SHISA6: variants seen among roughly 807,000 people sequenced by gnomAD.
The protein encoded by SHISA6 is shisa family member 6.
SHISA6 carries 22 observed loss-of-function variants against 47.9 expected under a neutral mutation model. The observed-to-expected ratio is 0.46, with a 90% CI of 0.33 to 0.66. The LOEUF is 0.66. Among genes scored for constraint, SHISA6 ranks in the 30% least tolerant of loss-of-function variants. The pLI is 0.02. For missense variants in SHISA6, 680 were observed against 764.6 expected (o/e 0.89, Z 1.30); for synonymous variants, 388 against 337.8 (o/e 1.15, Z -1.63).
chr17:11,500,633 C>T (rs536259961), intron 3 of SHISA6, among the ~76,000 whole-genome samples: 4 of 152,250 alleles, frequency 2.6e-5, no homozygotes, highest in South Asian at 4.1e-4. Context: ...AAGCAATCTC[C>T]GCTAACAAAT....
chr17:11,284,061 C>G (rs1472493867), intron 2 of SHISA6, among the ~76,000 whole-genome samples: 3 of 152,030 alleles, frequency 2.0e-5, no homozygotes, highest in African/African-American at 4.8e-5. Context: ...ACCTCAAAAC[C>G]ACACACACAG....
chr17:11,297,305 A>G (rs1909785755), intron 2 of SHISA6, among the ~76,000 whole-genome samples: 1 of 152,130 alleles, frequency 6.6e-6, no homozygotes, highest in Non-Finnish European at 1.5e-5. Flanking sequence ...TATGTAAGGG[A>G]GACCTCGAGT....
intron 3 of SHISA6, among the ~76,000 whole-genome samples, chr17:11,400,185 C>G (rs1913717200): frequency 1.3e-5 from 2 of 152,122 alleles, no homozygotes; most frequent in South Asian, 4.1e-4. Flanking sequence ...CTCTCTCAGC[C>G]CTGACCTTTT....
chr17:11,404,258 TG>T (rs1312308571), intron 3 of SHISA6, among the ~76,000 whole-genome samples: 5 of 152,348 alleles, frequency 3.3e-5, no homozygotes, highest in African/African-American at 9.6e-5. Flanking sequence ...GACTTGATCC[TG>T]TGCTAGGCAC....
At chr17:11,258,487 A>G (rs1434003990) in intron 1 of SHISA6, among the ~76,000 whole-genome samples, 1 of 152,230 alleles carries the variant, frequency 6.6e-6, no homozygotes, top group African/African-American at 2.4e-5. Flanking sequence ...AAGTTTGACC[A>G]TCTGTTCAGC....
At chr17:11,316,797 T>C (rs1910541171) in intron 2 of SHISA6, among the ~76,000 whole-genome samples, 1 of 152,246 alleles carries the variant, frequency 6.6e-6, no homozygotes, top group Non-Finnish European at 1.5e-5. Flanking sequence ...TAACTTTTCC[T>C]CTGAGTTAGA....
chr17:11,509,201 G>A (rs546196170), intron 3 of SHISA6, among the ~76,000 whole-genome samples: 4 of 152,234 alleles, frequency 2.6e-5, no homozygotes, highest in African/African-American at 9.6e-5. Context: ...GCCAACCCTG[G>A]GCATGGGCAG....
At chr17:11,379,658 C>T (rs1912944734) in intron 3 of SHISA6, 149 bp downstream of exon 3, 1 of 545,604 alleles carries the variant, frequency 1.8e-6, no homozygotes, top group East Asian at 4.0e-5. Context: ...ACATGCGTGG[C>T]TTCTGACAGG....
chr17:11,502,225 C>T (rs1041582053), intron 3 of SHISA6, among the ~76,000 whole-genome samples: 7 of 148,332 alleles, frequency 4.7e-5, no homozygotes, highest in East Asian at 2.0e-4. Context: ...CTGGCTAACA[C>T]GGTGAAACCC....
chr17:11,255,582 G>A (rs879732379), intron 1 of SHISA6, among the ~76,000 whole-genome samples: 2 of 152,204 alleles, frequency 1.3e-5, no homozygotes, highest in Non-Finnish European at 2.9e-5. Context: ...GAAGGAACAG[G>A]CTCTCTTTGC....
At chr17:11,262,657 C>T (rs1406628940) in intron 1 of SHISA6, among the ~76,000 whole-genome samples, 1 of 152,218 alleles carries the variant, frequency 6.6e-6, no homozygotes, top group Non-Finnish European at 1.5e-5. Flanking sequence ...ACAAAAGCTG[C>T]TTTCTCTGAG....
At chr17:11,301,549 G>C (rs956560957) in intron 2 of SHISA6, among the ~76,000 whole-genome samples, 1 of 152,140 alleles carries the variant, frequency 6.6e-6, no homozygotes, top group Non-Finnish European at 1.5e-5. Context: ...TGGTCACACC[G>C]TGCATGAATG....
chr17:11,278,750 T>G (rs958433464), intron 2 of SHISA6, among the ~76,000 whole-genome samples: 2 of 152,224 alleles, frequency 1.3e-5, no homozygotes, highest in Non-Finnish European at 2.9e-5. Flanking sequence ...GTATTTCCCT[T>G]TGTGTGTGTT....
intron 3 of SHISA6, among the ~76,000 whole-genome samples, chr17:11,421,024 A>T (rs1914440111): frequency 6.6e-6 from 1 of 152,116 alleles, no homozygotes; most frequent in African/African-American, 2.4e-5. Flanking sequence ...TGCTGGCGGG[A>T]CTGAAGCCCA....
chr17:11,412,840 T>G lies in SHISA6; in HGVS notation c.895+33331T>G, dbSNP rs544383167. ...GGGTGTGGCCTTTCTTTCCTTTACA[T>G]GCTGGCAGGCTTCCAAGGAACAATC... On this transcript the variant is annotated intron_variant, in intron 3 of 5. Coordinates refer to ENST00000441885, the MANE Select transcript of SHISA6 (RefSeq NM_207386.4). Among the ~76,000 whole-genome samples the G allele has an allele frequency of 7.1e-4, 108 of 152,264 alleles. 2 individuals carry two copies. Among genetic ancestry groups the G allele is most frequent in the East Asian group, 1.7e-3 (9 of 5,186 alleles).
At chr17:11,408,012 G>C (rs1343247359) in intron 3 of SHISA6, among the ~76,000 whole-genome samples, 1 of 152,158 alleles carries the variant, frequency 6.6e-6, no homozygotes, top group Non-Finnish European at 1.5e-5. Context: ...ACCATCAAAT[G>C]AATATGATCT....
At chr17:11,476,316 A>T (rs1916049330) in intron 3 of SHISA6, among the ~76,000 whole-genome samples, 1 of 150,334 alleles carries the variant, frequency 6.7e-6, no homozygotes, top group African/African-American at 2.5e-5. Flanking sequence ...TTGCTTCTTT[A>T]CTTCTGTTCA....
intron 2 of SHISA6, among the ~76,000 whole-genome samples, chr17:11,310,098 G>T (rs1458960597): frequency 3.3e-5 from 5 of 152,196 alleles, no homozygotes; most frequent in Non-Finnish European, 5.9e-5. Flanking sequence ...ATGTGTGTTA[G>T]GCTGCAGTTA....
At chr17:11,421,445 T>C (rs1473595814) in intron 3 of SHISA6, among the ~76,000 whole-genome samples, 2 of 152,206 alleles carry the variant, frequency 1.3e-5, no homozygotes, top group Non-Finnish European at 1.5e-5. Context: ...GTTGTACAGT[T>C]CAAGGGCTTA....
Sources: gnomAD v4.1 joint callset for allele counts (sites outside exome capture counted in the v4.1 genomes callset) on GRCh38, gnomAD v4.1.1 for gene constraint, MANE v1.5 for transcripts, NCBI Gene and HGNC (gene_info 2026-07-23, HGNC 2026-07-21) for gene names.